Variants in ADGRB3 observed in about 807,000 individuals in gnomAD.
ADGRB3 encodes the protein brain-specific angiogenesis inhibitor 3.
ADGRB3 carries 37 observed loss-of-function variants against 193.4 expected under a neutral mutation model. The ratio of observed to expected loss-of-function variants is 0.19; its 90% CI spans 0.15 to 0.25. The LOEUF is 0.25. Among genes scored for constraint, ADGRB3 ranks in the 10% least tolerant of loss-of-function variants. ADGRB3 has a pLI of 1.00. For synonymous variants in ADGRB3, 690 were observed against 644.2 expected (o/e 1.07, Z -1.08); for missense variants, 1,637 against 1,852.9 (o/e 0.88, Z 2.14).
intron 3 of ADGRB3, among the ~76,000 whole-genome samples, chr6:68,913,863 T>C (rs1399498335): frequency 6.6e-6 from 1 of 151,822 alleles, no homozygotes; most frequent in Non-Finnish European, 1.5e-5. Flanking sequence ...CTGATGGAGC[T>C]GAAAGCCAAG....
intron 15 of ADGRB3, among the ~76,000 whole-genome samples, chr6:69,050,562 A>T (rs1257582166): frequency 1.3e-5 from 2 of 152,228 alleles, no homozygotes. Context: ...GATAAAATTT[A>T]GTCATAGTTA....
intron 20 of ADGRB3, among the ~76,000 whole-genome samples, chr6:69,276,169 A>G (rs1274593628): frequency 6.6e-6 from 1 of 152,232 alleles, no homozygotes; most frequent in Non-Finnish European, 1.5e-5. Flanking sequence ...CTGGAATTCT[A>G]CAACATCTGG....
chr6:69,136,266 A>C (rs532522596), intron 17 of ADGRB3, among the ~76,000 whole-genome samples: 1 of 152,104 alleles, frequency 6.6e-6, no homozygotes, highest in Non-Finnish European at 1.5e-5. Flanking sequence ...ACATTGGTTT[A>C]TCTCTCTCAT....
intron 3 of ADGRB3, among the ~76,000 whole-genome samples, chr6:68,706,274 T>C (rs1431594453): frequency 6.6e-6 from 1 of 152,076 alleles, no homozygotes; most frequent in Admixed American, 6.6e-5. Context: ...TGCTAAAATT[T>C]TGACCCAGCA....
intron 14 of ADGRB3, 43 bp from the exon 15 acceptor site, chr6:69,049,228 T>C: frequency 7.1e-7 from 1 of 1,407,302 alleles, no homozygotes; most frequent in Non-Finnish European, 1.0e-6. Context: ...AGACATAGTA[T>C]TTTCTTGCTG....
intron 6 of ADGRB3, among the ~76,000 whole-genome samples, chr6:68,944,385 A>C (rs1767720908): frequency 6.6e-6 from 1 of 152,156 alleles, no homozygotes; most frequent in South Asian, 2.1e-4. Context: ...ATTCTCTTAC[A>C]CTTATTCAAT....
rs1775562984 is a variant in ADGRB3 at position 69,180,911 on chromosome 6, T to G, written c.2481-52379T>G. Among the ~76,000 whole-genome samples the G allele has an allele frequency of 3.3e-5, 5 of 152,174 alleles. No homozygotes were observed. The South Asian group carries it at 1.0e-3, about 31-fold the overall frequency. ...AAAAATGGCGTCCTGCTCTTGCTCC[T>G]GGTTCTGGGAAAATCCCAGCAGCTT... On this transcript the variant is annotated intron_variant, in intron 17 of 31. Transcript: ENST00000370598.
intron 3 of ADGRB3, among the ~76,000 whole-genome samples, chr6:68,724,210 T>C (rs1765633702): frequency 6.6e-6 from 1 of 151,670 alleles, no homozygotes; most frequent in South Asian, 2.1e-4. Flanking sequence ...GATAAATACT[T>C]TCCAGGGTCA....
chr6:69,161,097 A>T (rs896016553), intron 17 of ADGRB3, among the ~76,000 whole-genome samples: 1 of 152,110 alleles, frequency 6.6e-6, no homozygotes, highest in African/African-American at 2.4e-5. Flanking sequence ...TACCTATCTC[A>T]TAGGGCTTTA....
At chr6:69,010,501 C>T (rs1288084011) in intron 11 of ADGRB3, among the ~76,000 whole-genome samples, 1 of 151,920 alleles carries the variant, frequency 6.6e-6, no homozygotes, top group Non-Finnish European at 1.5e-5. Context: ...CATAAAGTTG[C>T]CATATATCAA....
chr6:69,328,854 T>C (rs551104470), intron 22 of ADGRB3, among the ~76,000 whole-genome samples: 1 of 152,244 alleles, frequency 6.6e-6, no homozygotes, highest in South Asian at 2.1e-4. Context: ...CTTTTTACAA[T>C]AGCATAATTA....
rs1423561452 is a variant in ADGRB3, at chr6:68,936,476, A to G, written c.869-43A>G. On this transcript the variant is annotated intron_variant, in intron 4 of 31. Coordinates refer to ENST00000370598, the MANE Select transcript of ADGRB3 (RefSeq NM_001704.3). ...TTGGTATAATGCTTACTAGATGAAT[A>G]CTTAAGACAGTATTTCATGTTTATT... 2.5e-6 allele frequency: 4 copies of G among 1,595,170 alleles called. No homozygotes were observed. In the African/African-American group the frequency reaches 5.4e-5, roughly 21 times the overall value.
At chr6:68,704,840 AAC>A (rs1765298435) in intron 3 of ADGRB3, among the ~76,000 whole-genome samples, 1 of 152,230 alleles carries the variant, frequency 6.6e-6, no homozygotes, top group African/African-American at 2.4e-5. Context: ...AAATGAAACA[AAC>A]AGTCTTTGAA....
At chr6:69,332,611 T>G in intron 23 of ADGRB3, 1 of 985,452 alleles carries the variant, frequency 1.0e-6, no homozygotes, top group Non-Finnish European at 1.2e-6. Context: ...CAGGGTTGAC[T>G]CAGACAGAAG....
At chr6:69,293,056 A>T (rs940611578) in intron 20 of ADGRB3, among the ~76,000 whole-genome samples, 1 of 152,142 alleles carries the variant, frequency 6.6e-6, no homozygotes, top group Non-Finnish European at 1.5e-5. Flanking sequence ...CTCCTACTGC[A>T]TGGCTCCAGC....
At chr6:68,992,172 C>T (rs1456678867) in intron 10 of ADGRB3, among the ~76,000 whole-genome samples, 1 of 152,110 alleles carries the variant, frequency 6.6e-6, no homozygotes, top group Non-Finnish European at 1.5e-5. Flanking sequence ...CTTTGATTAA[C>T]TCTGTTTAGT....
At chr6:69,116,525 A>G (rs1336382639) in intron 17 of ADGRB3, among the ~76,000 whole-genome samples, 1 of 152,180 alleles carries the variant, frequency 6.6e-6, no homozygotes, top group East Asian at 1.9e-4. Context: ...GTGAAATAAA[A>G]TTTTCTTTGA....
intron 3 of ADGRB3, among the ~76,000 whole-genome samples, chr6:68,777,295 A>G (rs924540226): frequency 6.6e-6 from 1 of 152,150 alleles, no homozygotes; most frequent in Non-Finnish European, 1.5e-5. Flanking sequence ...CTATGATGCA[A>G]TTAGCAATTA....
At chr6:69,180,077 C>G (rs1018307356) in intron 17 of ADGRB3, among the ~76,000 whole-genome samples, 4 of 152,200 alleles carry the variant, frequency 2.6e-5, no homozygotes, top group Non-Finnish European at 4.4e-5. Context: ...TATTAAGCAT[C>G]CAGAGGTGTG....
Sources: gnomAD v4.1 joint callset for allele counts (sites outside exome capture counted in the v4.1 genomes callset) on GRCh38, gnomAD v4.1.1 for gene constraint, MANE v1.5 for transcripts, NCBI Gene and HGNC (gene_info 2026-07-23, HGNC 2026-07-21) for gene names.